The following FNDC3A variants were observed in gnomAD, a reference collection of about 807,000 sequenced individuals.
The protein encoded by FNDC3A is fibronectin type III domain containing 3A.
Under a neutral mutation model 148.9 loss-of-function variants are expected in FNDC3A, and 32 were observed. The ratio of observed to expected loss-of-function variants is 0.21; its 90% CI spans 0.16 to 0.29. The LOEUF (loss-of-function observed/expected upper bound fraction) is 0.29. Among genes scored for constraint, FNDC3A ranks in the 10% least tolerant of loss-of-function variants. FNDC3A has a pLI of 1.00. For missense variants in FNDC3A, 1,191 were observed against 1,452.8 expected (o/e 0.82, Z 2.93); for synonymous variants, 472 against 473.6 (o/e 1.00, Z 0.04).
intron 4 of FNDC3A, 24 bp from the exon 5 acceptor site, chr13:49,131,113 T>G: frequency 6.4e-7 from 1 of 1,551,482 alleles, no homozygotes; most frequent in Non-Finnish European, 8.9e-7. Flanking sequence ...TGGAAGAAAT[T>G]TTAATCTGAT....
chr13:49,090,697 T>G (rs995454091), intron 3 of FNDC3A, among the ~76,000 whole-genome samples: 31 of 151,952 alleles, frequency 2.0e-4, no homozygotes, highest in African/African-American at 7.2e-4. Context: ...CATTAAAGAT[T>G]AGGTCAGTCA....
At chr13:49,087,362 T>C (rs182463869) in intron 3 of FNDC3A, among the ~76,000 whole-genome samples, 26 of 152,252 alleles carry the variant, frequency 1.7e-4, no homozygotes, top group Admixed American at 1.7e-3. Flanking sequence ...GTGACTAAAA[T>C]GGACATAAAA....
At chr13:49,080,946 A>G (rs1878427471) in intron 3 of FNDC3A, among the ~76,000 whole-genome samples, 1 of 152,194 alleles carries the variant, frequency 6.6e-6, no homozygotes, top group South Asian at 2.1e-4. Context: ...AATTGAAGGC[A>G]GATATTTTTA....
At chr13:48,996,563 T>A (rs1254912635) in intron 1 of FNDC3A, among the ~76,000 whole-genome samples, 1 of 152,212 alleles carries the variant, frequency 6.6e-6, no homozygotes, top group Non-Finnish European at 1.5e-5. Flanking sequence ...TACAGGAGAA[T>A]GTGCATAGGT....
At chr13:48,998,364 A>G (rs1952060848) in intron 1 of FNDC3A, among the ~76,000 whole-genome samples, 1 of 152,214 alleles carries the variant, frequency 6.6e-6, no homozygotes, top group Non-Finnish European at 1.5e-5. Context: ...GCATGATGCT[A>G]CAAGTGGAAA....
intron 2 of FNDC3A, among the ~76,000 whole-genome samples, chr13:49,023,278 T>A (rs1873463160): frequency 6.6e-6 from 1 of 151,936 alleles, no homozygotes; most frequent in African/African-American, 2.4e-5. Context: ...TCTGTTCATT[T>A]TTTAAACTAT....
At chr13:49,070,898 T>TG (rs1158673468) in intron 2 of FNDC3A, among the ~76,000 whole-genome samples, 1 of 146,316 alleles carries the variant, frequency 6.8e-6, no homozygotes, top group Admixed American at 6.8e-5. Flanking sequence ...TTTTTTGTTT[T>TG]GTTTTTTTTC....
At chr13:49,118,922 G>T (rs1881147659) in intron 4 of FNDC3A, among the ~76,000 whole-genome samples, 1 of 152,160 alleles carries the variant, frequency 6.6e-6, no homozygotes, top group Non-Finnish European at 1.5e-5. Context: ...GCAAGTGTGG[G>T]CACAGCTTCA....
At chr13:49,138,719 A>G in intron 6 of FNDC3A, 28 bp from the exon 7 acceptor site, 1 of 1,146,200 alleles carries the variant, frequency 8.7e-7, no homozygotes, top group Non-Finnish European at 1.3e-6. Flanking sequence ...TCTTTTTTTT[A>G]AATATTCAAA....
chr13:49,082,183 C>T (rs1185306525), intron 3 of FNDC3A, among the ~76,000 whole-genome samples: 2 of 151,892 alleles, frequency 1.3e-5, no homozygotes, highest in South Asian at 2.1e-4. Context: ...GTCAGGAGTT[C>T]GAGACCAGTT....
intron 8 of FNDC3A, among the ~76,000 whole-genome samples, chr13:49,149,103 TG>T (rs1883147222): frequency 6.6e-6 from 1 of 152,056 alleles, no homozygotes; most frequent in Non-Finnish European, 1.5e-5. Flanking sequence ...AGTTTTCTGG[TG>T]GAGTCTTCAG....
chr13:49,197,886 C>G lies in FNDC3A; in HGVS notation c.2490+12C>G. ...ATTGCAGGGTCCAGGTAAAGATGAT[C>G]AGTACCTTGTCACTTAACTCTATCC... On this transcript the variant is annotated intron_variant, in intron 21 of 25. Transcript: ENST00000492622. The G allele has an allele frequency of 6.3e-7, 1 of 1,595,784 alleles. No individual in the cohort carries two copies. Among genetic ancestry groups the G allele is most frequent in the Non-Finnish European group, 8.5e-7 (1 of 1,175,058 alleles).
intron 14 of FNDC3A, among the ~76,000 whole-genome samples, chr13:49,182,683 A>G (rs1885369363): frequency 6.6e-6 from 1 of 152,170 alleles, no homozygotes; most frequent in African/African-American, 2.4e-5. Flanking sequence ...GTAAAGAGAA[A>G]TCAAAACAGC....
At chr13:49,009,950 T>A (rs1483224068) in intron 2 of FNDC3A, among the ~76,000 whole-genome samples, 1 of 152,236 alleles carries the variant, frequency 6.6e-6, no homozygotes, top group Admixed American at 6.5e-5. Context: ...CCCGTCTCAT[T>A]TGTACCCATG....
At chr13:48,986,464 C>T (rs1209847094) in intron 1 of FNDC3A, among the ~76,000 whole-genome samples, 3 of 118,648 alleles carry the variant, frequency 2.5e-5, no homozygotes, top group East Asian at 3.0e-4. Context: ...GGCGTGATCT[C>T]GGCTCACTGC....
chr13:48,986,418 C>T (rs1426251467), intron 1 of FNDC3A, among the ~76,000 whole-genome samples: 5 of 30,344 alleles, frequency 1.6e-4, no homozygotes, highest in Admixed American at 5.1e-4. Context: ...TTTTTTGAGG[C>T]GGAGTCTTGC....
At chr13:49,047,258 C>A (rs375313528) in intron 2 of FNDC3A, among the ~76,000 whole-genome samples, 3 of 151,778 alleles carry the variant, frequency 2.0e-5, no homozygotes, top group African/African-American at 7.2e-5. Flanking sequence ...TTTGCAGTTG[C>A]GAATTGTGCT....
chr13:49,208,959 C>G lies in FNDC3A; in HGVS notation c.*1564C>G, dbSNP rs981156577. ...TTGTAACAGTTTTATGTCAAATGATCTGTGCTGTAGAAAAACATTAACCCT... is the reference window on the plus strand; with the variant it reads ...TTGTAACAGTTTTATGTCAAATGATGTGTGCTGTAGAAAAACATTAACCCT... On this transcript the variant is annotated 3_prime_UTR_variant, in exon 26 of 26. Transcript: ENST00000492622. 1.3e-5 allele frequency: 2 copies of G among 152,520 alleles called. No individual in the cohort carries two copies. The highest frequency in any genetic ancestry group is 4.8e-5 in the African/African-American group (2 of 41,410). 9.4% of individuals were successfully genotyped at this position (152,520 alleles called of 1,614,324 possible).
intron 2 of FNDC3A, among the ~76,000 whole-genome samples, chr13:49,069,073 T>C (rs762219936): frequency 3.6e-4 from 55 of 152,020 alleles, no homozygotes; most frequent in Non-Finnish European, 6.8e-4. Context: ...TTAAAAAAAA[T>C]GTACTGAAAA....
Sources: gnomAD v4.1 joint callset for allele counts (sites outside exome capture counted in the v4.1 genomes callset) on GRCh38, gnomAD v4.1.1 for gene constraint, MANE v1.5 for transcripts, NCBI Gene and HGNC (gene_info 2026-07-23, HGNC 2026-07-21) for gene names.